KCNK9: variants seen among roughly 807,000 people sequenced by gnomAD.
The protein encoded by KCNK9 is potassium two pore domain channel subfamily K member 9, also known as potassium channel subfamily K member 9.
KCNK9 carries 1 observed loss-of-function variant against 10.8 expected under a neutral mutation model. That is an observed-to-expected ratio of 0.09 (90% confidence interval 0.03 to 0.44). The LOEUF is 0.44. Ranked by LOEUF, KCNK9 falls within the 20% of genes least tolerant of loss-of-function variation. The pLI is 0.97. For synonymous variants in KCNK9, 231 were observed against 222.7 expected, an observed-to-expected ratio of 1.04 and a Z score of -0.33; for missense variants, 303 against 515.0, an observed-to-expected ratio of 0.59 and a Z score of 3.98.
rs531846952 is a variant in KCNK9, at chr8:139,626,911, C to A, written c.284-7812G>T. The stretch of plus-strand genomic sequence containing the variant: ...CCTCAGGCTTCCCACCTGGCTCCCA[C>A]GGAAGCCTGCGGCAAGCATCCCACT... On this transcript the variant is annotated intron_variant, in intron 1 of 1. Transcript: ENST00000520439. Among the ~76,000 whole-genome samples the A allele has an allele frequency of 4.6e-5, 7 of 152,354 alleles. No homozygotes were observed. The East Asian group carries it at 1.3e-3, about 29-fold the overall frequency.
intron 1 of KCNK9, among the ~76,000 whole-genome samples, chr8:139,645,655 A>G (rs770094469): frequency 1.5e-4 from 23 of 151,988 alleles, no homozygotes; most frequent in Non-Finnish European, 2.8e-4. Context: ...AGAGCCCTGC[A>G]CCTGCCCCAG....
intron 1 of KCNK9, among the ~76,000 whole-genome samples, chr8:139,643,603 A>G (rs534258872): frequency 1.1e-3 from 173 of 152,300 alleles, no homozygotes; most frequent in Non-Finnish European, 1.8e-3. Flanking sequence ...GCCGGCCCTC[A>G]GCAGGGCACA....
intron 1 of KCNK9, among the ~76,000 whole-genome samples, chr8:139,642,755 G>C (rs548242075): frequency 1.3e-5 from 2 of 152,356 alleles, no homozygotes; most frequent in African/African-American, 4.8e-5. Flanking sequence ...GGTCAGGGCA[G>C]GAGGGGACAG....
chr8:139,675,440 C>T (rs985944689), intron 1 of KCNK9, among the ~76,000 whole-genome samples: 1 of 152,152 alleles, frequency 6.6e-6, no homozygotes, highest in African/African-American at 2.4e-5. Flanking sequence ...GGGGTAGAGC[C>T]CTCAAGAAAG....
chr8:139,630,699 TAGA>T (rs1160477291), intron 1 of KCNK9, among the ~76,000 whole-genome samples: 2 of 152,106 alleles, frequency 1.3e-5, no homozygotes, highest in Non-Finnish European at 2.9e-5. Flanking sequence ...GACAGGTGCG[TAGA>T]AGGCCTTCTC....
chr8:139,633,166 C>T (rs1280344868), intron 1 of KCNK9, among the ~76,000 whole-genome samples: 1 of 152,088 alleles, frequency 6.6e-6, no homozygotes, highest in Non-Finnish European at 1.5e-5. Flanking sequence ...GAAACATGGA[C>T]ACGCTCACAT....
At chr8:139,697,300 G>T (rs994990252) in intron 1 of KCNK9, among the ~76,000 whole-genome samples, 6 of 151,404 alleles carry the variant, frequency 4.0e-5, no homozygotes, top group African/African-American at 1.2e-4. Flanking sequence ...TGGGTGGGTG[G>T]ATGGATAGAT....
In KCNK9 at chr8:139,673,090, C is replaced by T. The variant is rs75517538; in HGVS notation, c.283+29620G>A. On this transcript the variant is annotated intron_variant, in intron 1 of 1. Transcript: ENST00000520439. ...GCAAGAAGGTCCTCAATCCTTGGAT[C>T]TGGGGAGCTAATTGCCCCCTTAGTT... Among the ~76,000 whole-genome samples the T allele has an allele frequency of 3.5e-4, 53 of 152,318 alleles. No homozygotes were observed. The East Asian group carries it at 6.4e-3, about 18-fold the overall frequency.
intron 1 of KCNK9, among the ~76,000 whole-genome samples, chr8:139,678,232 C>T (rs572328375): frequency 1.1e-4 from 16 of 152,246 alleles, no homozygotes; most frequent in Admixed American, 4.6e-4. Flanking sequence ...TGCAGGCTGC[C>T]TTCTCTCAGA....
intron 2 of KCNK9, among the ~76,000 whole-genome samples, chr8:139,606,827 T>G (rs1435306655): frequency 6.6e-6 from 1 of 152,214 alleles, no homozygotes; most frequent in Non-Finnish European, 1.5e-5. Context: ...ATCTCTCAAG[T>G]GGGGGTTAAT....
chr8:139,644,716 C>G (rs912300222), intron 1 of KCNK9, among the ~76,000 whole-genome samples: 1 of 38,100 alleles, frequency 2.6e-5, no homozygotes, highest in Non-Finnish European at 4.7e-5. Flanking sequence ...CCTGCCCTGT[C>G]CCCCCCCCCC....
rs143426820 is a variant in KCNK9 at position 139,693,122 on chromosome 8, G to T, written c.283+9588C>A. ...CTGACAAACACCACATGTGCGCTGC[G>T]TGCCTGTCAGCTGCAGGTAAAGGCC... On this transcript the variant is annotated intron_variant, in intron 1 of 1. Transcript: ENST00000520439. The surrounding 1 kb of genome is among the most constrained non-coding windows in gnomAD (Gnocchi z 4.1). Among the ~76,000 whole-genome samples the T allele has an allele frequency of 6.6e-6, 1 of 152,098 alleles. No homozygotes were observed. Among genetic ancestry groups the T allele is most frequent in the Non-Finnish European group, 1.5e-5 (1 of 68,014 alleles).
At chr8:139,660,446 A>C (rs1816123443) in intron 1 of KCNK9, among the ~76,000 whole-genome samples, 1 of 126,300 alleles carries the variant, frequency 7.9e-6, no homozygotes, top group Non-Finnish European at 1.5e-5. Context: ...TCTGCTAAAA[A>C]AAAATATATA....
In KCNK9 at chr8:139,648,162, C is replaced by G. The variant is rs557259495; in HGVS notation, c.284-29063G>C. On this transcript the variant is annotated intron_variant, in intron 1 of 1. Transcript: ENST00000520439. ...CTAATGCTCAGTGAAGAAAGCCACA[C>G]ATGAAAGGTTGCCTAGCACAGGATT... Among the ~76,000 whole-genome samples the G allele has an allele frequency of 7.2e-4, 109 of 152,282 alleles. 4 individuals carry two copies. In the South Asian group the frequency reaches 0.023, roughly 32 times the overall value.
At chr8:139,603,404 T>C (rs527592736) in intron 2 of KCNK9, among the ~76,000 whole-genome samples, 1 of 152,284 alleles carries the variant, frequency 6.6e-6, no homozygotes, top group East Asian at 1.9e-4. Flanking sequence ...AAGTTGTGGA[T>C]CGTGCACTGA....
Position 139,619,105 on chromosome 8 carries a change from G to A in KCNK9, c.284-6C>T. On this transcript the variant is annotated splice_polypyrimidine_tract_variant and splice_region_variant and intron_variant, in intron 1 of 1. Coordinates refer to ENST00000520439, the MANE Select transcript of KCNK9 (RefSeq NM_001282534.2). Reference sequence around the variant, plus strand: ...AGGTGCAGCGTGCCCATAACCTGTGGGAAGGGGATGAGAAGAACAGAGAGA... The same window carrying A: ...AGGTGCAGCGTGCCCATAACCTGTGAGAAGGGGATGAGAAGAACAGAGAGA... The A allele has an allele frequency of 6.2e-7, 1 of 1,613,918 alleles. No individual in the cohort carries two copies. The highest frequency in any genetic ancestry group is 8.5e-7 in the Non-Finnish European group (1 of 1,180,020).
At chr8:139,661,482 A>G (rs1816149211) in intron 1 of KCNK9, among the ~76,000 whole-genome samples, 1 of 152,176 alleles carries the variant, frequency 6.6e-6, no homozygotes, top group African/African-American at 2.4e-5. Flanking sequence ...GTCCCCTGCC[A>G]GGCTTGCCCT....
downstream of KCNK9, chr8:139,611,350 A>G (rs1814417585): frequency 6.6e-6 from 1 of 152,272 alleles, no homozygotes; most frequent in Non-Finnish European, 1.5e-5. Flanking sequence ...TGAATGGCAG[A>G]GGCTGGTCCT....
intron 1 of KCNK9, among the ~76,000 whole-genome samples, chr8:139,694,293 G>T (rs961574828): frequency 1.3e-5 from 2 of 152,174 alleles, no homozygotes; most frequent in Non-Finnish European, 2.9e-5. Flanking sequence ...CAACAAAGCT[G>T]CCACTCACCA....
Sources: gnomAD v4.1 joint callset for allele counts (sites outside exome capture counted in the v4.1 genomes callset) on GRCh38, gnomAD v4.1.1 for gene constraint, Gnocchi (gnomAD v3.1) non-coding constraint, MANE v1.5 for transcripts, NCBI Gene and HGNC (gene_info 2026-07-23, HGNC 2026-07-21) for gene names.